Variants in DKK2 observed in about 807,000 individuals in gnomAD.
DKK2 encodes dickkopf-related protein 2.
A neutral mutation model predicts 28.1 loss-of-function variants in DKK2; 11 were observed. The observed-to-expected ratio is 0.39, with a 90% CI of 0.25 to 0.65. The LOEUF is 0.65. DKK2 is among the 30% of genes least tolerant of loss of function. DKK2 has a pLI of 0.47. For synonymous variants in DKK2, 135 were observed against 126.5 expected, an observed-to-expected ratio of 1.07 and a Z score of -0.45; for missense variants, 326 against 335.5, an observed-to-expected ratio of 0.97 and a Z score of 0.22.
intron 1 of DKK2, among the ~76,000 whole-genome samples, chr4:106,978,925 G>A (rs1475854175): frequency 3.9e-5 from 6 of 152,142 alleles, no homozygotes; most frequent in Non-Finnish European, 7.3e-5. Context: ...TACGGGTTGC[G>A]AAGACTGTGG....
chr4:106,999,261 C>T (rs1723321628), intron 1 of DKK2, among the ~76,000 whole-genome samples: 1 of 152,190 alleles, frequency 6.6e-6, no homozygotes, highest in Non-Finnish European at 1.5e-5. Context: ...TTTAAGAATG[C>T]ATTACTAGTA....
rs71590176 is a variant in DKK2 at position 107,027,756 on chromosome 4, A to ATTTTTTTTTTTTTT, written c.222+7613_222+7614insAAAAAAAAAAAAAA. 1.1e-3 allele frequency among the ~76,000 whole-genome samples: 144 copies of ATTTTTTTTTTTTTT among 135,276 alleles called. 1 individual carries two copies. The highest frequency in any genetic ancestry group is 1.9e-3 in the Admixed American group (24 of 12,754). 88.7% of individuals were successfully genotyped at this position (135,276 alleles called of 152,430 possible). ...TTGCTTATGACCTCCACCTATTATG[A>ATTTTTTTTTTTTTT]TTTTTTTTTTTTTGAGACAGAGTCT... On this transcript the variant is annotated intron_variant, in intron 1 of 3. Transcript: ENST00000285311.
intron 1 of DKK2, among the ~76,000 whole-genome samples, chr4:106,932,872 T>C (rs1724523282): frequency 6.6e-6 from 1 of 152,146 alleles, no homozygotes; most frequent in South Asian, 2.1e-4. Context: ...AGAAGTAACA[T>C]GGTAGGGCAA....
intron 1 of DKK2, among the ~76,000 whole-genome samples, chr4:106,941,139 TAAA>T (rs111654729): frequency 6.6e-6 from 1 of 151,200 alleles, no homozygotes; most frequent in African/African-American, 2.4e-5. Flanking sequence ...AAAAATAAAA[TAAA>T]AAAAAGCATG....
intron 1 of DKK2, among the ~76,000 whole-genome samples, chr4:106,959,811 G>A (rs1722659470): frequency 6.6e-6 from 1 of 151,920 alleles, no homozygotes; most frequent in East Asian, 1.9e-4. Flanking sequence ...CCCTTGGGGT[G>A]TATAAATACT....
intron 1 of DKK2, among the ~76,000 whole-genome samples, chr4:106,949,334 A>T (rs1180897034): frequency 6.6e-6 from 1 of 152,116 alleles, no homozygotes; most frequent in Non-Finnish European, 1.5e-5. Flanking sequence ...TGTGTTACAA[A>T]CACCTGCAGA....
intron 1 of DKK2, among the ~76,000 whole-genome samples, chr4:106,951,185 A>C (rs1008179979): frequency 3.9e-5 from 6 of 152,102 alleles, no homozygotes; most frequent in African/African-American, 1.4e-4. Flanking sequence ...TACACATATA[A>C]AATATATGTA....
intron 1 of DKK2, among the ~76,000 whole-genome samples, chr4:106,956,015 G>A (rs1159889414): frequency 1.3e-5 from 2 of 152,044 alleles, no homozygotes; most frequent in Admixed American, 6.6e-5. Flanking sequence ...AGGGTAACTA[G>A]GTGTTAACTC....
chr4:106,977,924 G>T (rs373626500), intron 1 of DKK2, among the ~76,000 whole-genome samples: 10 of 152,282 alleles, frequency 6.6e-5, no homozygotes, highest in African/African-American at 2.4e-4. Flanking sequence ...GGGTTTTTGT[G>T]TGGCTGTCCT....
At chr4:106,928,289 AC>A (rs1186012018) in intron 1 of DKK2, among the ~76,000 whole-genome samples, 2 of 152,188 alleles carry the variant, frequency 1.3e-5, no homozygotes, top group Non-Finnish European at 2.9e-5. Context: ...ATTAGAAAAT[AC>A]ATAGTTTTAT....
chr4:107,000,706 A>C (rs140066308), intron 1 of DKK2, among the ~76,000 whole-genome samples: 12 of 152,324 alleles, frequency 7.9e-5, no homozygotes, highest in African/African-American at 2.6e-4. Flanking sequence ...ACAAATACCT[A>C]TGGTCCTTTA....
intron 1 of DKK2, among the ~76,000 whole-genome samples, chr4:107,031,462 C>T (rs1280364618): frequency 6.6e-6 from 1 of 151,998 alleles, no homozygotes; most frequent in African/African-American, 2.4e-5. Context: ...TTAGTCAACT[C>T]GTTCAAGCTT....
At chr4:106,931,236 G>A (rs1376894546) in intron 1 of DKK2, among the ~76,000 whole-genome samples, 1 of 152,062 alleles carries the variant, frequency 6.6e-6, no homozygotes, top group Non-Finnish European at 1.5e-5. Flanking sequence ...AATTTAAGGG[G>A]AAAAGTTCAG....
At chr4:106,977,708 T>C (rs13146047) in intron 1 of DKK2, among the ~76,000 whole-genome samples, 26,003 of 152,034 alleles carry the variant, frequency 0.17, 2,655 homozygotes, top group East Asian at 0.42. Flanking sequence ...GAGGAGTTTG[T>C]TATTACCCAC....
chr4:107,011,797 T>G lies in DKK2; in HGVS notation c.222+23573A>C, dbSNP rs368400051. On this transcript the variant is annotated intron_variant, in intron 1 of 3. Coordinates refer to ENST00000285311, the MANE Select transcript of DKK2 (RefSeq NM_014421.3). ...CACTAGTTTGATTTCTGCTAAGGTA[T>G]CAACAATTTTACCCAAAGTGTTTTG... is the stretch of plus-strand genomic sequence containing the variant. Among the ~76,000 whole-genome samples, 38 of 151,404 alleles carry G rather than the reference T, an allele frequency of 2.5e-4. No individual in the cohort carries two copies. The East Asian group carries it at 6.6e-3, about 26-fold the overall frequency.
At chr4:106,970,776 C>T (rs1490410510) in intron 1 of DKK2, among the ~76,000 whole-genome samples, 2 of 152,068 alleles carry the variant, frequency 1.3e-5, no homozygotes, top group African/African-American at 4.8e-5. Context: ...CAGGTCAACA[C>T]TTAAAACCCA....
At chr4:107,027,014 G>A (rs1342921634) in intron 1 of DKK2, among the ~76,000 whole-genome samples, 1 of 152,074 alleles carries the variant, frequency 6.6e-6, no homozygotes, top group African/African-American at 2.4e-5. Context: ...AGAGAAATAA[G>A]TGAAGAAAAT....
At chr4:107,022,902 T>C (rs1218285023) in intron 1 of DKK2, among the ~76,000 whole-genome samples, 3 of 151,996 alleles carry the variant, frequency 2.0e-5, no homozygotes, top group Non-Finnish European at 2.9e-5. Flanking sequence ...GTCAAATGGT[T>C]GGGTGGCGAT....
chr4:106,954,331 T>C (rs1277909270), intron 1 of DKK2, among the ~76,000 whole-genome samples: 1 of 152,192 alleles, frequency 6.6e-6, no homozygotes, highest in Non-Finnish European at 1.5e-5. Flanking sequence ...TTTTACCTGA[T>C]ACAATAGTAT....
Sources: gnomAD v4.1 joint callset for allele counts (sites outside exome capture counted in the v4.1 genomes callset) on GRCh38, gnomAD v4.1.1 for gene constraint, MANE v1.5 for transcripts, NCBI Gene and HGNC (gene_info 2026-07-23, HGNC 2026-07-21) for gene names.